Variants in ARVCF observed in about 807,000 individuals in gnomAD.
ARVCF encodes the protein splicing regulator ARVCF.
Under a neutral mutation model 90.9 loss-of-function variants are expected in ARVCF, and 66 were observed. That is an observed-to-expected ratio of 0.73 (90% CI 0.60 to 0.89). ARVCF has a LOEUF of 0.89. Among genes scored for constraint, ARVCF ranks in the 40% least tolerant of loss-of-function variants. The pLI, the probability that ARVCF is intolerant of heterozygous loss-of-function variation, is 0.00. For missense variants in ARVCF, 1,469 were observed against 1,382.3 expected (o/e 1.06, Z -1.00); for synonymous variants, 653 against 603.4 (o/e 1.08, Z -1.21).
Position 19,972,889 on chromosome 22 carries a change from G to T in ARVCF, c.2550+36C>A, listed in dbSNP as rs200055146. On this transcript the variant is annotated intron_variant, in intron 15 of 19. Transcript: ENST00000263207. ...ACATGGAGTGGGAATAAGGCAAAGT[G>T]AGCAGGGAATGGAAGGAAGGCCAGG... 12 of 1,613,794 alleles carry T rather than the reference G, an allele frequency of 7.4e-6. No individual in the cohort carries two copies. In the African/African-American group the frequency reaches 1.3e-4, roughly 18 times the overall value.
chr22:20,002,662 G>A (rs1162858599), intron 2 of ARVCF, among the ~76,000 whole-genome samples: 1 of 152,196 alleles, frequency 6.6e-6, no homozygotes, highest in African/African-American at 2.4e-5. Context: ...AGGAGTAAAT[G>A]AGGCCTGGAT....
At chr22:20,002,079 G>A (rs963363910) in intron 2 of ARVCF, among the ~76,000 whole-genome samples, 3 of 152,198 alleles carry the variant, frequency 2.0e-5, no homozygotes, top group Admixed American at 6.5e-5. Flanking sequence ...ACAGAAAAAC[G>A]GCCAGAAACC....
In ARVCF at chr22:19,973,220, C is replaced by T. The variant is rs757531262; in HGVS notation, c.2337G>A (p.Val779=). The T allele has an allele frequency of 1.5e-5, 24 of 1,610,380 alleles. No homozygotes were observed. The highest frequency in any genetic ancestry group is 2.0e-5 in the Non-Finnish European group (24 of 1,179,064). The change falls in exon 14 of 20, where the codon GTG becomes GTA. Residue 779 remains valine (V), a synonymous_variant. Transcript: ENST00000263207. Reference sequence around the variant, plus strand: ...ACACGATTTCGTGGATGGTGTTGAGCACCGCCACCACGGTGTCTTCCTCCA... The same window carrying T: ...ACACGATTTCGTGGATGGTGTTGAGTACCGCCACCACGGTGTCTTCCTCCA... The part of the protein sequence containing the change: ...ACLEEDTVVA[V]LNTIHEIVSD...
chr22:19,980,179 C>T lies in ARVCF; in HGVS notation c.960G>A (p.Met320Ile), dbSNP rs930809819. 6.4e-7 allele frequency: 1 copy of T among 1,571,732 alleles called. No homozygotes were observed. The highest frequency in any genetic ancestry group is 1.8e-5 in the Admixed American group (1 of 56,324). Residue 320 changes from methionine to isoleucine, a missense_variant, in exon 6 of 20, where the codon ATG becomes ATA. Transcript: ENST00000263207. ...CAGGCTGGGCCAGGGGCGCCGTCAC[C>T]ATTGGGAACGCAGGCCGCTCGTCCG... ...ELADERPAFP[M>I]VTAPLAQPER...
At chr22:19,972,621 C>A in intron 16 of ARVCF, 116 bp downstream of exon 16, 1 of 1,233,792 alleles carries the variant, frequency 8.1e-7, no homozygotes, top group Non-Finnish European at 1.1e-6. Context: ...GGGAAAGTGG[C>A]CTATGGAAGC....
At chr22:20,015,031 C>A (rs1944973321) in intron 1 of ARVCF, among the ~76,000 whole-genome samples, 1 of 152,144 alleles carries the variant, frequency 6.6e-6, no homozygotes, top group South Asian at 2.1e-4. Flanking sequence ...CCAAGCAGCC[C>A]AGATGTGGTG....
chr22:19,968,450 C>T (rs761609482), downstream of ARVCF: 41 of 1,340,254 alleles, frequency 3.1e-5, no homozygotes, highest in Non-Finnish European at 4.3e-5. Context: ...GTGCCGTGGC[C>T]TAGTGAGGAG....
At position 19,973,739 on chromosome 22, in the gene ARVCF, C is replaced by G. The variant is rs1215878705; in HGVS notation, c.2143G>C (p.Val715Leu). The G allele has an allele frequency of 6.2e-7, 1 of 1,609,064 alleles. No homozygotes were observed. Among genetic ancestry groups the G allele is most frequent in the Non-Finnish European group, 8.5e-7 (1 of 1,179,934 alleles). Residue 715 changes from valine (V) to leucine (L), a missense_variant, in exon 13 of 20, where the codon GTG becomes CTG. Val to Leu is a conservative substitution (Grantham distance 32). Coordinates refer to ENST00000263207, the MANE Select transcript of ARVCF (RefSeq NM_001670.3). ...VRKERGLPVL[V>L]ELLQSETDKV... ...TCGGTCTCAGACTGCAGCAGTTCCA[C>G]AAGCACCGGCAGCCCGCGCTCTTTG...
chr22:20,016,415 G>A (rs1945163675), intron 1 of ARVCF, among the ~76,000 whole-genome samples, 174 bp downstream of exon 1: 1 of 152,126 alleles, frequency 6.6e-6, no homozygotes, highest in Admixed American at 6.5e-5. Flanking sequence ...GTGGGGCGGA[G>A]ATTGGCTCCG....
chr22:20,006,106 C>T (rs999996266), intron 2 of ARVCF, among the ~76,000 whole-genome samples: 2 of 151,968 alleles, frequency 1.3e-5, no homozygotes, highest in Non-Finnish European at 2.9e-5. Context: ...AAGAAAGGGG[C>T]AAACGGGGAG....
intron 2 of ARVCF, among the ~76,000 whole-genome samples, chr22:19,992,937 A>G (rs1944083216): frequency 6.6e-6 from 1 of 152,230 alleles, no homozygotes; most frequent in South Asian, 2.1e-4. Flanking sequence ...CTCCAAGGCC[A>G]CAGTGGGAAG....
intron 1 of ARVCF, among the ~76,000 whole-genome samples, chr22:20,011,434 G>A (rs1478238980): frequency 6.6e-6 from 1 of 152,064 alleles, no homozygotes; most frequent in Non-Finnish European, 1.5e-5. Flanking sequence ...CTGAGGCCCC[G>A]CCCAATAGTC....
chr22:20,008,201 T>C (rs1944701510), intron 2 of ARVCF, among the ~76,000 whole-genome samples: 1 of 152,132 alleles, frequency 6.6e-6, no homozygotes, highest in East Asian at 1.9e-4. Context: ...AGAGAAGGCC[T>C]GTCATAGGGG....
intron 2 of ARVCF, among the ~76,000 whole-genome samples, chr22:20,006,954 T>C (rs1944651404): frequency 6.6e-6 from 1 of 151,712 alleles, no homozygotes; most frequent in South Asian, 2.1e-4. Flanking sequence ...AAATAGTATA[T>C]CAAAGGTAAA....
chr22:20,015,362 C>A (rs900851463), intron 1 of ARVCF, among the ~76,000 whole-genome samples: 1 of 152,144 alleles, frequency 6.6e-6, no homozygotes, highest in Non-Finnish European at 1.5e-5. Context: ...AGACACGCTG[C>A]GGCTCACACT....
intron 4 of ARVCF, 25 bp from the exon 5 acceptor site, chr22:19,981,762 T>C: frequency 1.3e-6 from 2 of 1,553,176 alleles, no homozygotes; most frequent in Non-Finnish European, 1.7e-6. Context: ...GGCAGGTAGG[T>C]GGGGTAGCAC....
Position 19,973,735 on chromosome 22 carries a change from T to C in ARVCF, c.2147A>G (p.Glu716Gly). 1.9e-6 allele frequency: 3 copies of C among 1,609,304 alleles called. No homozygotes were observed. The highest frequency in any genetic ancestry group is 2.5e-6 in the Non-Finnish European group (3 of 1,179,902). The change falls in exon 13 of 20, where the codon GAA (glutamate) becomes GGA (glycine). Residue 716 changes from glutamate to glycine, a missense_variant. By Grantham distance (98) the Glu-to-Gly change is moderately conservative. Coordinates refer to ENST00000263207, the MANE Select transcript of ARVCF (RefSeq NM_001670.3). ...RKERGLPVLV[E>G]LLQSETDKVV... is the part of the protein sequence containing the mutation. ...CTTGTCGGTCTCAGACTGCAGCAGT[T>C]CCACAAGCACCGGCAGCCCGCGCTC...
intron 10 of ARVCF, among the ~76,000 whole-genome samples, 176 bp from the exon 11 acceptor site, chr22:19,975,933 G>C (rs1445639693): frequency 6.6e-6 from 1 of 152,170 alleles, no homozygotes. Context: ...GTTTAGCCTA[G>C]GGGTAGGAGT....
At chr22:19,986,046 TCTC>T (rs1943747871) in intron 3 of ARVCF, among the ~76,000 whole-genome samples, 1 of 152,110 alleles carries the variant, frequency 6.6e-6, no homozygotes, top group Non-Finnish European at 1.5e-5. Context: ...GGAGCTTACT[TCTC>T]CACACAGCAG....
Sources: allele counts gnomAD v4.1 joint callset (sites outside exome capture counted in the v4.1 genomes callset), GRCh38; gene constraint gnomAD v4.1.1; transcripts MANE v1.5; gene names NCBI Gene and HGNC (gene_info 2026-07-23, HGNC 2026-07-21).